The following TEC variants were observed in gnomAD, a reference collection of about 807,000 sequenced individuals.
The protein encoded by TEC is tyrosine-protein kinase Tec.
Under a neutral mutation model 93.0 loss-of-function variants are expected in TEC, and 72 were observed. The ratio of observed to expected loss-of-function variants is 0.77; its 90% confidence interval spans 0.64 to 0.94. The LOEUF is 0.94. Ranked by LOEUF, TEC falls within the 40% of genes least tolerant of loss-of-function variation. The probability of loss-of-function intolerance (pLI) is 0.00; values close to 1 mark genes in which losing one functional copy is unlikely to be tolerated. For synonymous variants in TEC, 249 were observed against 247.7 expected (o/e 1.01, Z -0.05); for missense variants, 630 against 757.9 (o/e 0.83, Z 1.98).
At chr4:48,181,157 A>G (rs1044620585) in intron 2 of TEC, among the ~76,000 whole-genome samples, 4 of 152,174 alleles carry the variant, frequency 2.6e-5, no homozygotes, top group Non-Finnish European at 5.9e-5. Context: ...GAAATGTTTG[A>G]GTGACAATTG....
chr4:48,145,896 G>GT lies in TEC; in HGVS notation c.1082-318dup, dbSNP rs1050590797. ...CTTCTTTACCACTCTTCCTTCTCAG[G>GT]TTTTTTTTTTGTTGTTGTTCTTTTT... On this transcript the variant is annotated intron_variant, in intron 12 of 17. Transcript: ENST00000381501. 5.1e-3 allele frequency among the ~76,000 whole-genome samples: 751 copies of GT among 148,698 alleles called. 2 individuals are homozygous for GT. Among genetic ancestry groups the GT allele is most frequent in the African/African-American group, 0.015 (629 of 40,820 alleles).
chr4:48,175,152 G>A (rs962765481), intron 3 of TEC, among the ~76,000 whole-genome samples: 1 of 152,224 alleles, frequency 6.6e-6, no homozygotes, highest in Non-Finnish European at 1.5e-5. Flanking sequence ...TCCTCCATTT[G>A]TGATGTTGCC....
chr4:48,258,275 G>A lies in TEC; in HGVS notation c.-46+11477C>T, dbSNP rs189778777. On this transcript the variant is annotated intron_variant, in intron 1 of 17. Coordinates refer to ENST00000381501, the MANE Select transcript of TEC (RefSeq NM_003215.3). ...TCCTGCCTCAGCCTCCCGAGTAGCT[G>A]GCATTACAGGCATGCGCCACCACAC... Among the ~76,000 whole-genome samples the A allele has an allele frequency of 3.1e-3, 474 of 151,850 alleles. 3 individuals are homozygous for A. Among genetic ancestry groups the A allele is most frequent in the African/African-American group, 0.011 (457 of 41,402 alleles).
chr4:48,151,530 A>G (rs1720163196), intron 9 of TEC, among the ~76,000 whole-genome samples: 1 of 152,226 alleles, frequency 6.6e-6, no homozygotes, highest in Non-Finnish European at 1.5e-5. Flanking sequence ...ATTATTGCAC[A>G]GGCTGGAGTG....
At chr4:48,212,110 A>AAAAAAATATATATATAT in intron 2 of TEC, among the ~76,000 whole-genome samples, 1 of 122,266 alleles carries the variant, frequency 8.2e-6, no homozygotes, top group African/African-American at 3.0e-5. Flanking sequence ...AAAAAAAAAA[A>AAAAAAATATATATATAT]ATATATATAT....
chr4:48,142,668 AT>A (rs903564659), intron 14 of TEC, among the ~76,000 whole-genome samples: 2 of 151,678 alleles, frequency 1.3e-5, no homozygotes, highest in African/African-American at 4.8e-5. Flanking sequence ...GAAGACAAGA[AT>A]TTTTTTTTAA....
chr4:48,235,966 A>G (rs1309129797), intron 1 of TEC, among the ~76,000 whole-genome samples: 1 of 152,116 alleles, frequency 6.6e-6, no homozygotes, highest in Non-Finnish European at 1.5e-5. Flanking sequence ...TCTTCACTAC[A>G]CTATACAACT....
intron 2 of TEC, among the ~76,000 whole-genome samples, chr4:48,224,865 A>G (rs760525346): frequency 3.3e-5 from 5 of 152,228 alleles, no homozygotes; most frequent in Admixed American, 2.6e-4. Flanking sequence ...CCAGAGAATA[A>G]GGAGAAGATG....
At position 48,176,545 on chromosome 4, in the gene TEC, AC is replaced by A. The variant is rs1470966784; in HGVS notation, c.139-360del. On this transcript the variant is annotated intron_variant, in intron 2 of 17. Coordinates refer to ENST00000381501, the MANE Select transcript of TEC (RefSeq NM_003215.3). ...AGACCAGCCTGGCCAACATGGCAAA[AC>A]CCCCATCTCTATTAAAAATACAAAA... 3.9e-5 allele frequency among the ~76,000 whole-genome samples: 6 copies of A among 151,906 alleles called. No homozygotes were observed. In the East Asian group the frequency reaches 7.7e-4, roughly 20 times the overall value.
intron 2 of TEC, among the ~76,000 whole-genome samples, chr4:48,225,024 TA>T (rs1723396180): frequency 6.6e-6 from 1 of 152,130 alleles, no homozygotes; most frequent in African/African-American, 2.4e-5. Flanking sequence ...CTATGAACAA[TA>T]AAAATAAATA....
At chr4:48,262,233 G>A (rs944174975) in intron 1 of TEC, among the ~76,000 whole-genome samples, 4 of 87,584 alleles carry the variant, frequency 4.6e-5, no homozygotes, top group African/African-American at 1.8e-4. Context: ...GTCTTGCTCT[G>A]TTGCCCAGGC....
intron 8 of TEC, among the ~76,000 whole-genome samples, chr4:48,158,948 G>A (rs1720512088): frequency 6.6e-6 from 1 of 152,110 alleles, no homozygotes; most frequent in Admixed American, 6.5e-5. Context: ...ACCTTTAAGT[G>A]TCTGTTGAAA....
At chr4:48,176,722 C>CA (rs1021168696) in intron 2 of TEC, among the ~76,000 whole-genome samples, 16 of 152,044 alleles carry the variant, frequency 1.1e-4, no homozygotes, top group African/African-American at 3.1e-4. Flanking sequence ...GACTCTATTT[C>CA]AAAAAAATAC....
At position 48,145,476 on chromosome 4, in the gene TEC, G is replaced by A. The variant is rs777621168; in HGVS notation, c.1185C>T (p.Val395=). The part of the protein sequence containing the change: ...RLGKWRAQYK[V]AIKAIREGAM... Reference sequence around the variant, plus strand: ...CACCTTCCCGAATAGCTTTGATTGCGACTTTGTACTGGGCTCGCCATTTGC... The same window carrying A: ...CACCTTCCCGAATAGCTTTGATTGCAACTTTGTACTGGGCTCGCCATTTGC... The change falls in exon 13 of 18, where the codon GTC becomes GTT. Residue 395 remains valine, a synonymous_variant. Coordinates refer to ENST00000381501, the MANE Select transcript of TEC (RefSeq NM_003215.3). The A allele has an allele frequency of 9.3e-6, 15 of 1,613,900 alleles. No individual in the cohort carries two copies. In the South Asian group the frequency reaches 1.2e-4, roughly 13 times the overall value.
At chr4:48,163,793 T>A (rs754618133) in intron 7 of TEC, 26 bp from the exon 8 acceptor site, 1 of 1,288,072 alleles carries the variant, frequency 7.8e-7, no homozygotes, top group South Asian at 1.5e-5. Flanking sequence ...ATACTTTAGG[T>A]AAACTTACTT....
chr4:48,213,740 T>C (rs1439223013), intron 2 of TEC, among the ~76,000 whole-genome samples: 1 of 152,200 alleles, frequency 6.6e-6, no homozygotes, highest in Non-Finnish European at 1.5e-5. Flanking sequence ...CACATCTAGT[T>C]TGGGGGAGAG....
At chr4:48,149,891 T>C (rs926108963) in intron 10 of TEC, among the ~76,000 whole-genome samples, 1 of 152,228 alleles carries the variant, frequency 6.6e-6, no homozygotes, top group Non-Finnish European at 1.5e-5. Flanking sequence ...ACTGAAAACA[T>C]ACTTGGCCCT....
intron 1 of TEC, among the ~76,000 whole-genome samples, chr4:48,237,020 AT>A (rs200906204): frequency 1.5e-3 from 223 of 152,332 alleles, no homozygotes; most frequent in African/African-American, 5.1e-3. Flanking sequence ...TTATTTGTCA[AT>A]TAAAAAATAA....
At chr4:48,195,321 T>G in intron 2 of TEC, among the ~76,000 whole-genome samples, 1 of 152,150 alleles carries the variant, frequency 6.6e-6, no homozygotes, top group East Asian at 1.9e-4. Flanking sequence ...TTTTAAAGCC[T>G]GATCAAAGTT....
Sources: gnomAD v4.1 joint callset for allele counts (sites outside exome capture counted in the v4.1 genomes callset) on GRCh38, gnomAD v4.1.1 for gene constraint, MANE v1.5 for transcripts, NCBI Gene and HGNC (gene_info 2026-07-23, HGNC 2026-07-21) for gene names.